Variants in TMEM131 observed in about 807,000 individuals in gnomAD.
TMEM131 encodes transmembrane protein 131.
In TMEM131, 66 loss-of-function variants were observed where a neutral mutation model predicts 211.6. That is an observed-to-expected ratio of 0.31 (90% CI 0.26 to 0.38). The LOEUF (loss-of-function observed/expected upper bound fraction) is 0.38. Ranked by LOEUF, TMEM131 falls within the 10% of genes least tolerant of loss-of-function variation. The pLI is 1.00. For missense variants in TMEM131, 2,036 were observed against 2,299.3 expected, an observed-to-expected ratio of 0.89 and a Z score of 2.34; for synonymous variants, 844 against 841.3, an observed-to-expected ratio of 1.00 and a Z score of -0.06.
In TMEM131 at chr2:97,954,120, A is replaced by T. The variant is rs1678452228; in HGVS notation, c.188-26633T>A. ...TACTTTAAGAAACTAGAAAAAGTAG[A>T]GCAAAATAAATTCAAAGCAAGTAGA... On this transcript the variant is annotated intron_variant, in intron 1 of 40. Coordinates refer to ENST00000186436, the MANE Select transcript of TMEM131 (RefSeq NM_015348.2). 2.0e-5 allele frequency among the ~76,000 whole-genome samples: 3 copies of T among 152,352 alleles called. No homozygotes were observed. The South Asian group carries it at 6.2e-4, about 32-fold the overall frequency.
intron 4 of TMEM131, among the ~76,000 whole-genome samples, chr2:97,873,522 C>A (rs1222345981): frequency 6.6e-6 from 1 of 152,242 alleles, no homozygotes; most frequent in South Asian, 2.1e-4. Context: ...TTGGCAGGTG[C>A]CCCTCTGGGA....
Position 97,791,267 on chromosome 2 carries a change from T to C in TMEM131, c.4144+1119A>G, listed in dbSNP as rs539767068. On this transcript the variant is annotated intron_variant, in intron 31 of 40. Transcript: ENST00000186436. ...TCCCAGTGGTGCCCACCTCTTGGTA[T>C]TTATGCCCTTGCGCGGTTCTCTCTC... Among the ~76,000 whole-genome samples the C allele has an allele frequency of 2.6e-5, 4 of 152,352 alleles. No individual in the cohort carries two copies. In the East Asian group the frequency reaches 7.7e-4, roughly 29 times the overall value.
intron 1 of TMEM131, among the ~76,000 whole-genome samples, chr2:97,933,200 A>G (rs532355417): frequency 6.6e-6 from 1 of 152,334 alleles, no homozygotes; most frequent in East Asian, 1.9e-4. Context: ...GCGTGACCAT[A>G]GTACCCAAAG....
intron 31 of TMEM131, among the ~76,000 whole-genome samples, chr2:97,778,259 C>T (rs1483203659): frequency 7.9e-5 from 12 of 152,148 alleles, no homozygotes; most frequent in African/African-American, 2.9e-4. Context: ...AAGTTGAAAA[C>T]TTCAGTAACA....
chr2:97,855,063 T>C (rs370850496), intron 5 of TMEM131, among the ~76,000 whole-genome samples: 1 of 152,264 alleles, frequency 6.6e-6, no homozygotes, highest in African/African-American at 2.4e-5. Flanking sequence ...AGAGTATGTA[T>C]GATAAGCATC....
intron 12 of TMEM131, among the ~76,000 whole-genome samples, chr2:97,815,800 T>G (rs1303399074): frequency 6.6e-6 from 1 of 152,112 alleles, no homozygotes; most frequent in Non-Finnish European, 1.5e-5. Context: ...GAGGCAAAAT[T>G]ACCCCCCACT....
intron 4 of TMEM131, among the ~76,000 whole-genome samples, chr2:97,882,533 C>T (rs905805819): frequency 1.3e-5 from 2 of 152,180 alleles, no homozygotes; most frequent in Admixed American, 6.5e-5. Context: ...GCTAGACCTG[C>T]AATTTCTCTC....
At chr2:97,981,993 T>C (rs573543757) in intron 1 of TMEM131, among the ~76,000 whole-genome samples, 2 of 152,370 alleles carry the variant, frequency 1.3e-5, no homozygotes, top group East Asian at 1.9e-4. Context: ...GCTATGAATG[T>C]TCCTGCACAA....
At chr2:97,789,136 G>A (rs1392058550) in intron 31 of TMEM131, among the ~76,000 whole-genome samples, 3 of 152,166 alleles carry the variant, frequency 2.0e-5, no homozygotes, top group Non-Finnish European at 2.9e-5. Flanking sequence ...TTCTTTCCAA[G>A]GTCACAAATA....
At chr2:97,989,277 CAA>C (rs768850056) in intron 1 of TMEM131, among the ~76,000 whole-genome samples, 12 of 103,826 alleles carry the variant, frequency 1.2e-4, no homozygotes, top group Admixed American at 3.0e-4. Flanking sequence ...AAAAACAAAA[CAA>C]AAAAAAAAAA....
At chr2:97,815,983 C>T (rs1333746809) in intron 12 of TMEM131, among the ~76,000 whole-genome samples, 1 of 152,142 alleles carries the variant, frequency 6.6e-6, no homozygotes, top group Non-Finnish European at 1.5e-5. Context: ...TAAATCCCCT[C>T]CTGTCATCAT....
At chr2:97,903,494 C>T (rs1675942399) in intron 3 of TMEM131, among the ~76,000 whole-genome samples, 1 of 152,162 alleles carries the variant, frequency 6.6e-6, no homozygotes, top group African/African-American at 2.4e-5. Flanking sequence ...AAACACAGTA[C>T]TTGCATAGTC....
chr2:97,976,496 A>G (rs1679541894), intron 1 of TMEM131, among the ~76,000 whole-genome samples: 1 of 152,214 alleles, frequency 6.6e-6, no homozygotes, highest in Non-Finnish European at 1.5e-5. Context: ...TTATACTGAA[A>G]ACTACATTAA....
chr2:97,785,513 A>C (rs1366552750), intron 31 of TMEM131, among the ~76,000 whole-genome samples: 5 of 152,234 alleles, frequency 3.3e-5, no homozygotes, highest in African/African-American at 1.2e-4. Context: ...ACAGAAAAAA[A>C]TGAAGATGCT....
In TMEM131 at chr2:97,943,069, G is replaced by GA. The variant is rs1297751471; in HGVS notation, c.188-15583dup. 2.9e-5 allele frequency among the ~76,000 whole-genome samples: 4 copies of GA among 136,178 alleles called. No homozygotes were observed. In the Admixed American group the frequency reaches 2.9e-4, roughly 10 times the overall value. 89.3% of individuals were successfully genotyped at this position (136,178 alleles called of 152,430 possible). ...AGAAAGAAAGAAAGAAAGAAAGAAA[G>GA]AAAGAAAGAAAGAAAGAAAGAAAGA... On this transcript the variant is annotated intron_variant, in intron 1 of 40. Coordinates refer to ENST00000186436, the MANE Select transcript of TMEM131 (RefSeq NM_015348.2).
At chr2:97,892,234 G>C (rs191845706) in intron 3 of TMEM131, among the ~76,000 whole-genome samples, 1 of 152,232 alleles carries the variant, frequency 6.6e-6, no homozygotes, top group Non-Finnish European at 1.5e-5. Flanking sequence ...TTATTATTCA[G>C]TTGTAAGAGT....
intron 4 of TMEM131, among the ~76,000 whole-genome samples, chr2:97,874,843 A>G (rs1373918191): frequency 6.6e-6 from 1 of 152,224 alleles, no homozygotes; most frequent in African/African-American, 2.4e-5. Flanking sequence ...TAGCATCATA[A>G]TAACAGGATC....
intron 1 of TMEM131, among the ~76,000 whole-genome samples, chr2:97,955,244 C>CA (rs1044264082): frequency 1.3e-5 from 2 of 151,494 alleles, no homozygotes; most frequent in African/African-American, 2.4e-5. Context: ...TCAATTGATG[C>CA]AAAAAAAATC....
At chr2:97,759,087 T>A in intron 39 of TMEM131, 34 bp from the exon 40 acceptor site, 1 of 1,613,746 alleles carries the variant, frequency 6.2e-7, no homozygotes. Flanking sequence ...AAGTCCATAT[T>A]TGGTTTTGCC....
Sources: gnomAD v4.1 joint callset for allele counts (sites outside exome capture counted in the v4.1 genomes callset) on GRCh38, gnomAD v4.1.1 for gene constraint, MANE v1.5 for transcripts, NCBI Gene and HGNC (gene_info 2026-07-23, HGNC 2026-07-21) for gene names.